CCDC148: variants seen among roughly 807,000 people sequenced by gnomAD.
CCDC148 encodes the protein coiled-coil domain containing 148.
In CCDC148, 89 loss-of-function variants were observed where a neutral mutation model predicts 85.7. The ratio of observed to expected loss-of-function variants is 1.04; its 90% CI spans 0.87 to 1.24. The LOEUF (loss-of-function observed/expected upper bound fraction) is 1.24. Among genes scored for constraint, CCDC148 ranks in the 50% most tolerant of loss-of-function variants. The pLI is 0.00. For synonymous variants in CCDC148, 230 were observed against 213.9 expected (o/e 1.08, Z -0.66); for missense variants, 692 against 671.7 (o/e 1.03, Z -0.33).
chr2:158,345,295 T>C lies in CCDC148; in HGVS notation c.171A>G (p.Ser57=). 1.2e-6 allele frequency: 2 copies of C among 1,613,162 alleles called. No individual in the cohort carries two copies. Among genetic ancestry groups the C allele is most frequent in the Non-Finnish European group, 1.7e-6 (2 of 1,179,518 alleles). The change falls in exon 3 of 14, where the codon TCA becomes TCG. Residue 57 remains serine (S), a synonymous_variant. Coordinates refer to ENST00000283233, the MANE Select transcript of CCDC148 (RefSeq NM_138803.4). ...KLKIRKAMLT[S]KLSKEQTLIK... is the part of the protein sequence containing the mutation. The stretch of plus-strand genomic sequence containing the variant: ...TTAGTGTTTGTTCTTTGGATAACTT[T>C]GAAGTCAACATTGCTTTTCTGATCT...
chr2:158,450,286 A>G (rs1398894653), intron 1 of CCDC148, among the ~76,000 whole-genome samples: 1 of 152,220 alleles, frequency 6.6e-6, no homozygotes, highest in Non-Finnish European at 1.5e-5. Flanking sequence ...TAATGAGGTC[A>G]TATTTTCTGA....
At position 158,456,534 on chromosome 2, in the gene CCDC148, G is replaced by A. The variant is rs1460902920; in HGVS notation, c.-95C>T. On this transcript the variant is annotated 5_prime_UTR_variant, in exon 1 of 14. Transcript: ENST00000283233. The stretch of plus-strand genomic sequence containing the variant: ...CTCTCGCCGTCAGGGGTACATCTAA[G>A]GGCTCAGCTGTTCCTACCTTTGACG... 19 of 1,470,984 alleles carry A rather than the reference G, an allele frequency of 1.3e-5. No homozygotes were observed. The highest frequency in any genetic ancestry group is 1.7e-5 in the Non-Finnish European group (19 of 1,088,284). 91.1% of individuals were successfully genotyped at this position (1,470,984 alleles called of 1,614,324 possible). A position where few individuals can be genotyped will look rare whatever the true frequency, so the allele number is the denominator to read the frequency against.
At chr2:158,273,779 C>T (rs1422169527) in intron 9 of CCDC148, among the ~76,000 whole-genome samples, 2 of 152,146 alleles carry the variant, frequency 1.3e-5, no homozygotes, top group African/African-American at 2.4e-5. Flanking sequence ...GCATCTGTCT[C>T]AGGCAACTGC....
intron 10 of CCDC148, among the ~76,000 whole-genome samples, chr2:158,241,725 G>A (rs541606564): frequency 9.2e-5 from 14 of 152,220 alleles, no homozygotes; most frequent in South Asian, 2.1e-4. Context: ...CTATTGGAAA[G>A]GAGGCAAATG....
At chr2:158,350,187 T>C (rs1178960052) in intron 2 of CCDC148, among the ~76,000 whole-genome samples, 1 of 152,156 alleles carries the variant, frequency 6.6e-6, no homozygotes, top group Non-Finnish European at 1.5e-5. Flanking sequence ...GAAATTATTG[T>C]TCCTGCACTT....
At chr2:158,323,151 CA>C (rs1692598495) in intron 7 of CCDC148, among the ~76,000 whole-genome samples, 1 of 152,132 alleles carries the variant, frequency 6.6e-6, no homozygotes, top group South Asian at 2.1e-4. Context: ...CAATTGTAGT[CA>C]AATTGTTTTT....
chr2:158,313,769 G>C lies in CCDC148; in HGVS notation c.890C>G (p.Ser297Cys). The C allele has an allele frequency of 6.2e-7, 1 of 1,613,682 alleles. No individual in the cohort carries two copies. Among genetic ancestry groups the C allele is most frequent in the Non-Finnish European group, 8.5e-7 (1 of 1,179,818 alleles). Reference sequence around the variant, plus strand: ...TCCAGTACTCACCAAATCATGCCTAGATTTGTGAGGAAAATATCTTTGTAA... The same window carrying C: ...TCCAGTACTCACCAAATCATGCCTACATTTGTGAGGAAAATATCTTTGTAA... ...DMLQRYFPHK[S>C]RHDLVEHEKY... The change falls in exon 8 of 14, where the codon TCT (serine) becomes TGT (cysteine). Residue 297 changes from serine (S) to cysteine (C), a missense_variant. Ser to Cys is a moderately radical substitution (Grantham distance 112). Transcript: ENST00000283233.
At chr2:158,275,475 T>G (rs1312728115) in intron 9 of CCDC148, among the ~76,000 whole-genome samples, 1 of 152,200 alleles carries the variant, frequency 6.6e-6, no homozygotes, top group African/African-American at 2.4e-5. Context: ...TAATTAGGTT[T>G]TTCCTTTCTC....
intron 1 of CCDC148, among the ~76,000 whole-genome samples, chr2:158,366,380 C>G (rs1233748170): frequency 6.6e-6 from 1 of 152,010 alleles, no homozygotes; most frequent in Non-Finnish European, 1.5e-5. Context: ...ATTTTGTGTT[C>G]CTGGGAGGAA....
At chr2:158,241,538 T>C (rs1915813) in intron 10 of CCDC148, among the ~76,000 whole-genome samples, 130,353 of 152,058 alleles carry the variant, frequency 0.86, 57,880 homozygotes, top group Non-Finnish European at 0.97. Flanking sequence ...GAATGGAGGA[T>C]TGGGTATAAT....
intron 9 of CCDC148, among the ~76,000 whole-genome samples, chr2:158,273,434 C>T (rs1195904774): frequency 6.6e-6 from 1 of 152,064 alleles, no homozygotes; most frequent in East Asian, 1.9e-4. Flanking sequence ...TATAAAATGT[C>T]CCCCAAAGTA....
chr2:158,343,275 A>T (rs1283034751), intron 3 of CCDC148, among the ~76,000 whole-genome samples: 1 of 152,182 alleles, frequency 6.6e-6, no homozygotes, highest in Admixed American at 6.5e-5. Context: ...AAAGCTACTC[A>T]ACTCCAAGGT....
chr2:158,410,672 GTT>G (rs531617787), intron 1 of CCDC148, among the ~76,000 whole-genome samples: 1,758 of 152,112 alleles, frequency 0.012, 20 homozygotes, highest in Middle Eastern at 0.075. Context: ...TACAGTCAGA[GTT>G]TACTTCTTTT....
chr2:158,180,857 T>C (rs1684864767), intron 11 of CCDC148, among the ~76,000 whole-genome samples: 1 of 151,776 alleles, frequency 6.6e-6, no homozygotes, highest in Admixed American at 6.6e-5. Flanking sequence ...AGAAGGAAAA[T>C]CCTAACCTCC....
At chr2:158,205,370 C>CTCTA (rs971271382) in intron 11 of CCDC148, among the ~76,000 whole-genome samples, 36 of 152,198 alleles carry the variant, frequency 2.4e-4, no homozygotes, top group African/African-American at 7.5e-4. Context: ...CAATGAATAT[C>CTCTA]TCTATCTGAG....
intron 9 of CCDC148, among the ~76,000 whole-genome samples, chr2:158,256,234 C>T (rs567952249): frequency 6.6e-6 from 1 of 151,824 alleles, no homozygotes; most frequent in African/African-American, 2.4e-5. Flanking sequence ...TATTGAACAT[C>T]TGCTTTTGAG....
intron 11 of CCDC148, among the ~76,000 whole-genome samples, chr2:158,202,068 G>A (rs1256873989): frequency 1.3e-5 from 2 of 152,130 alleles, no homozygotes. Context: ...GTAAAACTGG[G>A]TAGAAATTAT....
At position 158,217,370 on chromosome 2, in the gene CCDC148, G is replaced by GTATATATATATATATATA. The variant is rs1453254522; in HGVS notation, c.1370+3224_1370+3225insTATATATATATATATATA. Reference sequence around the variant, plus strand: ...TATATATATATAAAATTTTGTGTGTGTGTGTATATATATATATATATATAC... The same window carrying GTATATATATATATATATA: ...TATATATATATAAAATTTTGTGTGTGTATATATATATATATATATGTGTATATATATATATATATATAC... On this transcript the variant is annotated intron_variant, in intron 11 of 13. Coordinates refer to ENST00000283233, the MANE Select transcript of CCDC148 (RefSeq NM_138803.4). Among the ~76,000 whole-genome samples, 155 of 75,478 alleles carry GTATATATATATATATATA rather than the reference G, an allele frequency of 2.1e-3. 1 individual carries two copies. Among genetic ancestry groups the GTATATATATATATATATA allele is most frequent in the African/African-American group, 2.4e-3 (61 of 25,606 alleles). The allele number at this position is 75,478 out of a possible 152,430, so 49.5% of individuals were successfully genotyped here.
At chr2:158,229,460 T>C (rs1687743143) in intron 10 of CCDC148, among the ~76,000 whole-genome samples, 1 of 152,192 alleles carries the variant, frequency 6.6e-6, no homozygotes, top group African/African-American at 2.4e-5. Context: ...AAATTTATGG[T>C]TTCAATTGAA....
Sources: allele counts gnomAD v4.1 joint callset (sites outside exome capture counted in the v4.1 genomes callset), GRCh38; gene constraint gnomAD v4.1.1; transcripts MANE v1.5; gene names NCBI Gene and HGNC (gene_info 2026-07-23, HGNC 2026-07-21).